SMYD3: variants seen among roughly 807,000 people sequenced by gnomAD.
SMYD3 encodes histone-lysine N-methyltransferase SMYD3.
Under a neutral mutation model 57.7 loss-of-function variants are expected in SMYD3, and 36 were observed. The observed-to-expected ratio is 0.62, with a 90% confidence interval of 0.48 to 0.82. The LOEUF is 0.82. SMYD3 is among the 40% of genes least tolerant of loss of function. The probability of loss-of-function intolerance (pLI) is 0.00; values close to 1 mark genes in which losing one functional copy is unlikely to be tolerated. For missense variants in SMYD3, 515 were observed against 538.8 expected (o/e 0.96, Z 0.44); for synonymous variants, 211 against 195.0 (o/e 1.08, Z -0.68).
intron 5 of SMYD3, among the ~76,000 whole-genome samples, chr1:245,990,181 C>A (rs1037010079): frequency 3.3e-5 from 5 of 152,066 alleles, no homozygotes; most frequent in African/African-American, 1.2e-4. Context: ...GTGATCCTCC[C>A]GCCTCATCGT....
At chr1:246,356,341 A>G (rs1485704967) in intron 1 of SMYD3, among the ~76,000 whole-genome samples, 1 of 152,126 alleles carries the variant, frequency 6.6e-6, no homozygotes, top group Non-Finnish European at 1.5e-5. Context: ...CACCCAAATG[A>G]GAAGGAACCA....
Position 246,323,585 on chromosome 1 carries a change from C to A in SMYD3, c.531+3616G>T, listed in dbSNP as rs192726242. Among the ~76,000 whole-genome samples the A allele has an allele frequency of 8.7e-4, 133 of 152,280 alleles. 2 individuals are homozygous for A. The highest frequency in any genetic ancestry group is 3.0e-3 in the African/African-American group (125 of 41,550). Reference sequence around the variant, plus strand: ...CGAAATATGCTCTCGGGATTAAGAACTTTCTCATCCTCCCTGAGCCCTTTC... The same window carrying A: ...CGAAATATGCTCTCGGGATTAAGAAATTTCTCATCCTCCCTGAGCCCTTTC... On this transcript the variant is annotated intron_variant, in intron 5 of 11. Coordinates refer to ENST00000490107, the MANE Select transcript of SMYD3 (RefSeq NM_001167740.2).
intron 5 of SMYD3, among the ~76,000 whole-genome samples, chr1:246,100,978 A>G (rs2060998241): frequency 6.6e-6 from 1 of 151,942 alleles, no homozygotes; most frequent in African/African-American, 2.4e-5. Flanking sequence ...CAAAGAAATG[A>G]TCAAGTTTCA....
At chr1:245,759,167 C>A (rs893279122) in intron 11 of SMYD3, among the ~76,000 whole-genome samples, 4 of 152,152 alleles carry the variant, frequency 2.6e-5, no homozygotes, top group Non-Finnish European at 4.4e-5. Context: ...GGTTCAAAAA[C>A]ACACTCTTGG....
At chr1:246,072,659 G>A (rs1281137867) in intron 5 of SMYD3, among the ~76,000 whole-genome samples, 1 of 152,174 alleles carries the variant, frequency 6.6e-6, no homozygotes. Flanking sequence ...GTCTGTAAGG[G>A]TGTTTCCAGA....
At chr1:246,170,950 T>G (rs2062319648) in intron 5 of SMYD3, among the ~76,000 whole-genome samples, 1 of 152,244 alleles carries the variant, frequency 6.6e-6, no homozygotes, top group Non-Finnish European at 1.5e-5. Flanking sequence ...CATGTTATTT[T>G]TCAAACAACC....
intron 10 of SMYD3, among the ~76,000 whole-genome samples, chr1:245,806,384 T>C (rs1051993003): frequency 6.6e-6 from 1 of 152,196 alleles, no homozygotes; most frequent in African/African-American, 2.4e-5. Flanking sequence ...CGCTGTGAGG[T>C]AGGTACTGTA....
At chr1:245,782,348 G>A (rs2046867469) in intron 10 of SMYD3, among the ~76,000 whole-genome samples, 1 of 152,180 alleles carries the variant, frequency 6.6e-6, no homozygotes, top group Admixed American at 6.5e-5. Flanking sequence ...TACTGCTCAA[G>A]CAGTATTTTT....
chr1:245,955,145 G>GCA (rs2057792057), intron 5 of SMYD3, among the ~76,000 whole-genome samples: 2 of 152,278 alleles, frequency 1.3e-5, no homozygotes, highest in African/African-American at 2.4e-5. Flanking sequence ...AGGCTGGACT[G>GCA]CAGTGGCGCG....
intron 5 of SMYD3, among the ~76,000 whole-genome samples, chr1:245,990,467 C>T (rs779047878): frequency 2.0e-5 from 3 of 152,272 alleles, no homozygotes; most frequent in African/African-American, 4.8e-5. Context: ...ACAGCTATCT[C>T]GACCTTGAAT....
intron 1 of SMYD3, among the ~76,000 whole-genome samples, chr1:246,394,235 C>CCAAGATCT (rs1326654341): frequency 6.6e-6 from 1 of 152,112 alleles, no homozygotes; most frequent in Non-Finnish European, 1.5e-5. Context: ...CTGACAAAAC[C>CCAAGATCT]CAAGATCTCT....
rs757629294 is a variant in SMYD3 at position 246,327,274 on chromosome 1, T to C, written c.458A>G (p.His153Arg). The C allele has an allele frequency of 6.2e-7, 1 of 1,614,136 alleles. No homozygotes were observed. Among genetic ancestry groups the C allele is most frequent in the South Asian group, 1.1e-5 (1 of 91,084 alleles). ...ATCCTGTATTTCTTCTCTCATGAAA[T>C]GTTGAAATGTCATTACGAGTTGCCT... ...GLRQLVMTFQ[H>R]FMREEIQDAS... Residue 153 changes from histidine to arginine, a missense_variant, in exon 5 of 12, where the codon CAT becomes CGT. Transcript: ENST00000490107.
intron 10 of SMYD3, among the ~76,000 whole-genome samples, chr1:245,827,195 G>A (rs530924555): frequency 1.3e-5 from 2 of 152,262 alleles, no homozygotes; most frequent in African/African-American, 2.4e-5. Context: ...AGGCCACACT[G>A]CTTCCAAGTG....
At chr1:246,115,131 C>G (rs1206892343) in intron 5 of SMYD3, among the ~76,000 whole-genome samples, 2 of 150,384 alleles carry the variant, frequency 1.3e-5, no homozygotes, top group South Asian at 4.1e-4. Context: ...AAGAAGTGTA[C>G]AGGGAGAGAA....
intron 5 of SMYD3, among the ~76,000 whole-genome samples, chr1:246,005,267 G>T (rs2059149272): frequency 6.6e-6 from 1 of 152,214 alleles, no homozygotes; most frequent in East Asian, 1.9e-4. Context: ...GATAGAGCAA[G>T]CCAAAAATAT....
At chr1:245,878,161 T>C (rs2052589127) in intron 8 of SMYD3, among the ~76,000 whole-genome samples, 1 of 152,084 alleles carries the variant, frequency 6.6e-6, no homozygotes, top group South Asian at 2.1e-4. Context: ...ACTCCTATTG[T>C]GGGAGTTAAG....
intron 5 of SMYD3, among the ~76,000 whole-genome samples, chr1:246,246,043 C>T (rs552364280): frequency 2.6e-5 from 4 of 152,222 alleles, no homozygotes; most frequent in African/African-American, 7.2e-5. Flanking sequence ...TCATGAAATA[C>T]TTGTTCCAGT....
chr1:245,915,530 C>G lies in SMYD3; in HGVS notation c.813G>C (p.Lys271Asn). Residue 271 changes from lysine (K) to asparagine (N), a missense_variant and splice_region_variant, in exon 8 of 12, where the codon AAG (lysine) becomes AAC (asparagine). Transcript: ENST00000490107. ...TTCAATCTGGTTCCATACTACATAC[C>G]TTGTCCTGGGTTTGGCAACGGAAAC... ...CDCFRCQTQD[K>N]DADMLTGDEQ... 6.2e-7 allele frequency: 1 copy of G among 1,607,216 alleles called. No homozygotes were observed. Among genetic ancestry groups the G allele is most frequent in the Non-Finnish European group, 8.5e-7 (1 of 1,174,042 alleles).
At chr1:245,844,423 T>A (rs2050556616) in intron 10 of SMYD3, among the ~76,000 whole-genome samples, 1 of 152,204 alleles carries the variant, frequency 6.6e-6, no homozygotes. Context: ...TTATGATTTT[T>A]ATGTTGTATG....
Sources: allele counts gnomAD v4.1 joint callset (sites outside exome capture counted in the v4.1 genomes callset), GRCh38; gene constraint gnomAD v4.1.1; transcripts MANE v1.5; gene names NCBI Gene and HGNC (gene_info 2026-07-23, HGNC 2026-07-21).